DAB1: variants seen among roughly 807,000 people sequenced by gnomAD.
DAB1 encodes the protein DAB adaptor protein 1.
DAB1 carries 15 observed loss-of-function variants against 64.6 expected under a neutral mutation model. The ratio of observed to expected loss-of-function variants is 0.23; its 90% CI spans 0.16 to 0.36. The LOEUF is 0.36. Among genes scored for constraint, DAB1 ranks in the 10% least tolerant of loss-of-function variants. The pLI, the probability that DAB1 is intolerant of heterozygous loss-of-function variation, is 1.00. For missense variants in DAB1, 596 were observed against 706.7 expected, an observed-to-expected ratio of 0.84 and a Z score of 1.78; for synonymous variants, 235 against 251.9, an observed-to-expected ratio of 0.93 and a Z score of 0.64.
intron 7 of DAB1, among the ~76,000 whole-genome samples, chr1:57,535,508 T>G (rs554519179): frequency 2.5e-4 from 37 of 148,910 alleles, no homozygotes; most frequent in African/African-American, 8.9e-4. Context: ...TCTTGCTCTG[T>G]CGCCAGACTG....
At chr1:57,244,036 C>T (rs1400784707) in intron 2 of DAB1, among the ~76,000 whole-genome samples, 1 of 151,724 alleles carries the variant, frequency 6.6e-6, no homozygotes, top group Non-Finnish European at 1.5e-5. Flanking sequence ...CCAGAATGTT[C>T]CACTTGTTGT....
At chr1:57,377,621 A>G (rs1023211211) in intron 1 of DAB1, among the ~76,000 whole-genome samples, 1 of 152,202 alleles carries the variant, frequency 6.6e-6, no homozygotes, top group Non-Finnish European at 1.5e-5. Context: ...TTTCCAGTTA[A>G]GTCCTCCCTC....
chr1:58,039,962 C>T (rs1647109562), intron 5 of DAB1, among the ~76,000 whole-genome samples: 1 of 152,008 alleles, frequency 6.6e-6, no homozygotes, highest in East Asian at 1.9e-4. Context: ...GCTAGCAAAA[C>T]TAGCAAAAAA....
chr1:57,050,233 C>T (rs1457949317), intron 9 of DAB1, among the ~76,000 whole-genome samples: 2 of 152,184 alleles, frequency 1.3e-5, no homozygotes, highest in East Asian at 1.9e-4. Context: ...TGAATGGATA[C>T]ACTTAGATGA....
rs116432707 is a variant in DAB1, at chr1:57,918,476, T to C, written n.388-34314A>G. 1.3e-3 allele frequency among the ~76,000 whole-genome samples: 196 copies of C among 152,148 alleles called. 1 individual carries two copies. The highest frequency in any genetic ancestry group is 4.4e-3 in the African/African-American group (182 of 41,486). ...CTGCCTTTGTAACAACCCACTCTCA[T>C]AGGAACTAATCCAGTCGTGCCATAG... On this transcript the variant is annotated intron_variant and non_coding_transcript_variant, in intron 5 of 20. Transcript: ENST00000485760.
chr1:57,666,327 A>G (rs1646447001), intron 6 of DAB1, among the ~76,000 whole-genome samples: 1 of 152,182 alleles, frequency 6.6e-6, no homozygotes, highest in Non-Finnish European at 1.5e-5. Context: ...CACACATAAT[A>G]CAATTCATTA....
intron 1 of DAB1, among the ~76,000 whole-genome samples, chr1:57,368,980 A>C (rs922499248): frequency 1.3e-5 from 2 of 152,212 alleles, no homozygotes; most frequent in Non-Finnish European, 2.9e-5. Context: ...GGGATTCAAA[A>C]GATGTAGCTC....
At chr1:57,366,452 G>A (rs1680002961) in intron 1 of DAB1, among the ~76,000 whole-genome samples, 2 of 152,208 alleles carry the variant, frequency 1.3e-5, no homozygotes, top group African/African-American at 4.8e-5. Flanking sequence ...ACCATGCAGT[G>A]CTTCCCCAAG....
At chr1:58,337,862 T>C (rs1040683369) in intron 4 of DAB1, among the ~76,000 whole-genome samples, 4 of 152,116 alleles carry the variant, frequency 2.6e-5, no homozygotes, top group South Asian at 4.2e-4. Context: ...TCAGTGAGTA[T>C]AGAGTTTCAG....
chr1:58,539,160 A>G (rs1056534303), intron 1 of DAB1: 1 of 872,954 alleles, frequency 1.1e-6, no homozygotes, highest in Non-Finnish European at 2.0e-6. Flanking sequence ...TATTTACTAT[A>G]TGGTTAACTT....
chr1:57,088,226 A>C (rs1426380797), intron 4 of DAB1, among the ~76,000 whole-genome samples: 2 of 152,108 alleles, frequency 1.3e-5, no homozygotes, highest in African/African-American at 4.8e-5. Context: ...ATGCACCACC[A>C]CACCTGGCTA....
intron 5 of DAB1, among the ~76,000 whole-genome samples, chr1:58,097,041 C>A (rs763241547): frequency 3.3e-5 from 5 of 152,224 alleles, no homozygotes; most frequent in Non-Finnish European, 5.9e-5. Flanking sequence ...CTCTGTCCAG[C>A]AATTTACCCT....
intron 9 of DAB1, among the ~76,000 whole-genome samples, chr1:57,036,920 T>C (rs1557600215): frequency 6.6e-6 from 1 of 152,212 alleles, no homozygotes; most frequent in African/African-American, 2.4e-5. Flanking sequence ...ATGTTATTCT[T>C]ACAGGAAAAA....
At chr1:57,946,945 T>C (rs1372598460) in intron 5 of DAB1, among the ~76,000 whole-genome samples, 3 of 152,310 alleles carry the variant, frequency 2.0e-5, no homozygotes, top group South Asian at 2.1e-4. Flanking sequence ...TCTAAAATAT[T>C]AGAGCTGGAA....
chr1:57,782,153 C>T (rs1476868612), intron 6 of DAB1, among the ~76,000 whole-genome samples: 2 of 79,488 alleles, frequency 2.5e-5, no homozygotes, highest in African/African-American at 1.0e-4. Context: ...TCAAACAGCA[C>T]TTAGGATAAT....
chr1:57,194,942 CACATGCCCATTTT>C (rs1361547672), intron 2 of DAB1, among the ~76,000 whole-genome samples: 1 of 152,224 alleles, frequency 6.6e-6, no homozygotes, highest in Non-Finnish European at 1.5e-5. Context: ...CATTCTCATC[CACATGCCCATTTT>C]ATATATGCTA....
At chr1:57,603,923 G>GACCGTTACCACACTTCTCATTCCCA (rs1645604736) in intron 7 of DAB1, among the ~76,000 whole-genome samples, 1 of 152,142 alleles carries the variant, frequency 6.6e-6, no homozygotes, top group Non-Finnish European at 1.5e-5. Context: ...TATTAAACCC[G>GACCGTTACCACACTTCTCATTCCCA]ACCGTTACCA....
intron 5 of DAB1, among the ~76,000 whole-genome samples, chr1:57,943,818 C>T (rs746267376): frequency 1.3e-5 from 2 of 152,100 alleles, no homozygotes; most frequent in Non-Finnish European, 2.9e-5. Context: ...GAAAGCCATG[C>T]GGAGACCTGG....
rs1334625515 is a variant in DAB1, at chr1:58,254,500, G to A, written n.309+88852C>T. Among the ~76,000 whole-genome samples, 130 of 121,052 alleles carry A rather than the reference G, an allele frequency of 1.1e-3. 1 individual carries two copies. Among genetic ancestry groups the A allele is most frequent in the Admixed American group, 1.8e-3 (22 of 11,988 alleles). The allele number at this position is 121,052 out of a possible 152,430, so 79.4% of individuals were successfully genotyped here. A position where few individuals can be genotyped will look rare whatever the true frequency, so the allele number is the denominator to read the frequency against. On this transcript the variant is annotated intron_variant and non_coding_transcript_variant, in intron 4 of 20. Coordinates refer to the DAB1 transcript ENST00000485760. ...GCTGGTGCGCTGCACCCACTAACTC[G>A]TCATCTAGCATTAGGTATATCTCCC...
Sources: allele counts gnomAD v4.1 joint callset (sites outside exome capture counted in the v4.1 genomes callset), GRCh38; gene constraint gnomAD v4.1.1; transcripts MANE v1.5; gene names NCBI Gene and HGNC (gene_info 2026-07-23, HGNC 2026-07-21).